L3MBTL4: variants seen among roughly 807,000 people sequenced by gnomAD.
The protein encoded by L3MBTL4 is L3MBTL histone methyl-lysine binding protein 4.
In L3MBTL4, 70 loss-of-function variants were observed where a neutral mutation model predicts 84.5. The observed-to-expected ratio is 0.83, with a 90% CI of 0.68 to 1.01. The LOEUF (loss-of-function observed/expected upper bound fraction) is 1.01, where lower values mean the gene tolerates loss of function less well. L3MBTL4 is among the 50% of genes least tolerant of loss of function. The pLI is 0.00. For synonymous variants in L3MBTL4, 274 were observed against 259.8 expected (o/e 1.05, Z -0.52); for missense variants, 715 against 754.8 (o/e 0.95, Z 0.62).
At chr18:6,323,339 G>C (rs920881749) in intron 1 of L3MBTL4, among the ~76,000 whole-genome samples, 4 of 152,214 alleles carry the variant, frequency 2.6e-5, no homozygotes, top group Admixed American at 2.6e-4. Context: ...GAGGCTGGAA[G>C]AGTCTAGGGG....
At chr18:6,013,724 GC>G (rs2054839022) in intron 16 of L3MBTL4, among the ~76,000 whole-genome samples, 1 of 152,162 alleles carries the variant, frequency 6.6e-6, no homozygotes, top group African/African-American at 2.4e-5. Flanking sequence ...GATTAGTCTG[GC>G]TTTCCTACTG....
chr18:6,329,314 C>T (rs569167360), intron 1 of L3MBTL4, among the ~76,000 whole-genome samples: 12 of 151,774 alleles, frequency 7.9e-5, no homozygotes, highest in East Asian at 5.8e-4. Flanking sequence ...CCACCACGCC[C>T]GGCTAATTTT....
chr18:6,284,644 A>G (rs112019321), intron 4 of L3MBTL4, among the ~76,000 whole-genome samples: 2,378 of 148,158 alleles, frequency 0.016, 69 homozygotes, highest in African/African-American at 0.056. Flanking sequence ...GCTCTCCTCC[A>G]TGTCATCTGT....
intron 16 of L3MBTL4, among the ~76,000 whole-genome samples, chr18:6,072,925 T>C (rs28875507): frequency 0.024 from 1,893 of 79,370 alleles, 179 homozygotes; most frequent in Middle Eastern, 0.085. Flanking sequence ...TATATATATA[T>C]ACACACATAC....
intron 12 of L3MBTL4, among the ~76,000 whole-genome samples, chr18:6,178,010 C>T (rs780969765): frequency 6.6e-6 from 1 of 152,196 alleles, no homozygotes; most frequent in Non-Finnish European, 1.5e-5. Flanking sequence ...CCAGCAAGGT[C>T]CTGCTTTGAG....
At chr18:5,983,113 A>G (rs1193264333) in intron 16 of L3MBTL4, among the ~76,000 whole-genome samples, 1 of 152,226 alleles carries the variant, frequency 6.6e-6, no homozygotes, top group Admixed American at 6.5e-5. Context: ...GAGGAAACAC[A>G]GTCTTGTAAA....
chr18:6,316,601 A>C (rs1044903411), intron 1 of L3MBTL4, among the ~76,000 whole-genome samples: 2 of 152,164 alleles, frequency 1.3e-5, no homozygotes, highest in Admixed American at 6.5e-5. Flanking sequence ...GGGTGACAGC[A>C]TCCTCACATT....
At position 6,010,525 on chromosome 18, in the gene L3MBTL4, G is replaced by T. The variant is rs980770180; in HGVS notation, c.1445-40963C>A. Among the ~76,000 whole-genome samples the T allele has an allele frequency of 3.9e-5, 6 of 152,138 alleles. No individual in the cohort carries two copies. The South Asian group carries it at 1.2e-3, about 32-fold the overall frequency. On this transcript the variant is annotated intron_variant, in intron 16 of 18. Coordinates refer to ENST00000317931, the MANE Select transcript of L3MBTL4 (RefSeq NM_001330559.2). The stretch of plus-strand genomic sequence containing the variant: ...TCGCTGTAGTCAGCGCCACTTGCAT[G>T]TGCGGTATTAATACTGCACATTTCT...
chr18:6,066,636 T>G (rs962381708), intron 16 of L3MBTL4, among the ~76,000 whole-genome samples: 1 of 152,180 alleles, frequency 6.6e-6, no homozygotes, highest in South Asian at 2.1e-4. Flanking sequence ...TTTTAACTGT[T>G]GTTGCTTTAA....
intron 14 of L3MBTL4, among the ~76,000 whole-genome samples, chr18:6,121,720 A>G (rs1954836): frequency 0.32 from 43,986 of 136,486 alleles, 7,544 homozygotes; most frequent in East Asian, 0.52. Flanking sequence ...GTGTGTGTGT[A>G]TGTGTGTGTG....
At chr18:6,170,574 G>T (rs1046605140) in intron 13 of L3MBTL4, among the ~76,000 whole-genome samples, 1 of 152,162 alleles carries the variant, frequency 6.6e-6, no homozygotes, top group African/African-American at 2.4e-5. Flanking sequence ...GAGACATTCA[G>T]GTAGAAAAGC....
intron 1 of L3MBTL4, among the ~76,000 whole-genome samples, chr18:6,343,434 C>T (rs577164973): frequency 3.9e-4 from 59 of 152,070 alleles, no homozygotes; most frequent in African/African-American, 9.9e-4. Context: ...GAGGCCGAGG[C>T]GGGCAGATCA....
intron 16 of L3MBTL4, among the ~76,000 whole-genome samples, chr18:6,011,123 A>G (rs2054715831): frequency 2.0e-5 from 3 of 152,254 alleles, no homozygotes; most frequent in Non-Finnish European, 4.4e-5. Flanking sequence ...AGAATAATTT[A>G]TCAACTTATG....
At chr18:6,319,055 T>C (rs542373135) in intron 1 of L3MBTL4, among the ~76,000 whole-genome samples, 1 of 152,192 alleles carries the variant, frequency 6.6e-6, no homozygotes, top group South Asian at 2.1e-4. Flanking sequence ...GAAACCAAGA[T>C]GGAAATTTAA....
chr18:6,334,529 A>G (rs2052227125), intron 1 of L3MBTL4, among the ~76,000 whole-genome samples: 2 of 152,224 alleles, frequency 1.3e-5, no homozygotes. Flanking sequence ...AATATGTTTA[A>G]AAAGTAAAGG....
chr18:6,216,169 A>G (rs574812407), intron 10 of L3MBTL4, among the ~76,000 whole-genome samples: 10 of 152,272 alleles, frequency 6.6e-5, no homozygotes, highest in African/African-American at 2.4e-4. Flanking sequence ...GCTCCTTAGC[A>G]GTTTGAAAAC....
intron 4 of L3MBTL4, among the ~76,000 whole-genome samples, chr18:6,264,526 G>A (rs2146388589): frequency 6.6e-6 from 1 of 152,326 alleles, no homozygotes; most frequent in East Asian, 1.9e-4. Flanking sequence ...ACTCACGCCT[G>A]TAATCCCAGC....
chr18:5,986,928 T>A (rs1024042270), intron 16 of L3MBTL4, among the ~76,000 whole-genome samples: 18 of 152,226 alleles, frequency 1.2e-4, no homozygotes, highest in African/African-American at 4.1e-4. Context: ...TATGCAAATG[T>A]TAGGAATTAC....
chr18:6,263,780 C>G (rs2048511565), intron 5 of L3MBTL4, among the ~76,000 whole-genome samples, 167 bp downstream of exon 5: 1 of 152,206 alleles, frequency 6.6e-6, no homozygotes, highest in East Asian at 1.9e-4. Flanking sequence ...CGGGCTCCAG[C>G]CCACTCTGAA....
Sources: allele counts gnomAD v4.1 joint callset (sites outside exome capture counted in the v4.1 genomes callset), GRCh38; gene constraint gnomAD v4.1.1; transcripts MANE v1.5; gene names NCBI Gene and HGNC (gene_info 2026-07-23, HGNC 2026-07-21).